The following FAM13A variants were observed in gnomAD, a reference collection of about 807,000 sequenced individuals.
The protein encoded by FAM13A is protein FAM13A.
Under a neutral mutation model 129.6 loss-of-function variants are expected in FAM13A, and 76 were observed. That is an observed-to-expected ratio of 0.59 (90% CI 0.49 to 0.71). The LOEUF (loss-of-function observed/expected upper bound fraction) is 0.71. Among genes scored for constraint, FAM13A ranks in the 30% least tolerant of loss-of-function variants. The probability of loss-of-function intolerance (pLI) is 0.00; values close to 1 mark genes in which losing one functional copy is unlikely to be tolerated. For synonymous variants in FAM13A, 443 were observed against 449.9 expected (o/e 0.98, Z 0.20); for missense variants, 1,108 against 1,249.3 (o/e 0.89, Z 1.70).
Position 88,827,392 on chromosome 4 carries a change from CT to C in FAM13A, c.1008-22341del, listed in dbSNP as rs776564113. ...TGGGGGCTGGATCCTGACTTCACCC[CT>C]GACAGGCAGTGCAAACTTGGGCAGG... is the stretch of plus-strand genomic sequence containing the variant. On this transcript the variant is annotated intron_variant, in intron 7 of 23. Transcript: ENST00000264344. 8.1e-4 allele frequency among the ~76,000 whole-genome samples: 124 copies of C among 152,324 alleles called. No homozygotes were observed. In the Middle Eastern group the frequency reaches 0.01, roughly 13 times the overall value.
At chr4:88,983,864 A>G (rs1009075459) in intron 4 of FAM13A, among the ~76,000 whole-genome samples, 3 of 152,214 alleles carry the variant, frequency 2.0e-5, no homozygotes, top group African/African-American at 7.2e-5. Flanking sequence ...GAAAAGAAGA[A>G]CAAACTTGGA....
intron 3 of FAM13A, among the ~76,000 whole-genome samples, chr4:88,996,007 A>T (rs10856872): frequency 0.5 from 75,277 of 152,038 alleles, 18,664 homozygotes; most frequent in Middle Eastern, 0.58. Flanking sequence ...GGCCCCTCTG[A>T]TACCATGACA....
At chr4:88,923,007 T>G (rs1296550681) in intron 5 of FAM13A, among the ~76,000 whole-genome samples, 1 of 152,040 alleles carries the variant, frequency 6.6e-6, no homozygotes, top group African/African-American at 2.4e-5. Context: ...CAGGAAGAAG[T>G]TGAATCTCTG....
rs1190311813 is a variant in FAM13A at position 88,731,582 on chromosome 4, T to C, written c.2844-154A>G. 3 of 534,228 alleles carry C rather than the reference T, an allele frequency of 5.6e-6. No homozygotes were observed. In the African/African-American group the frequency reaches 5.8e-5, roughly 10 times the overall value. 33.1% of individuals were successfully genotyped at this position (534,228 alleles called of 1,614,324 possible). On this transcript the variant is annotated intron_variant, in intron 22 of 23. Coordinates refer to ENST00000264344, the MANE Select transcript of FAM13A (RefSeq NM_014883.4). ...TGAGGGGGCGCGGAAATGCATGTTT[T>C]CCATTTCCTGAAAGCCAAACATGCT...
chr4:88,835,186 C>T (rs966959465), intron 7 of FAM13A, among the ~76,000 whole-genome samples: 2 of 152,152 alleles, frequency 1.3e-5, no homozygotes, highest in African/African-American at 2.4e-5. Flanking sequence ...AACCACTTTG[C>T]CCCCTATCGT....
At chr4:88,830,760 G>T (rs776460198) in intron 7 of FAM13A, among the ~76,000 whole-genome samples, 2 of 152,150 alleles carry the variant, frequency 1.3e-5, no homozygotes, top group African/African-American at 4.8e-5. Context: ...GTGAAGAGGG[G>T]AGGGAAGAGC....
chr4:88,951,867 G>A (rs1239734235), intron 4 of FAM13A, among the ~76,000 whole-genome samples: 1 of 152,136 alleles, frequency 6.6e-6, no homozygotes, highest in African/African-American at 2.4e-5. Context: ...AGGGCAGGGA[G>A]TCTCTCCAAC....
At chr4:89,025,092 G>T (rs1038406116) in intron 2 of FAM13A, among the ~76,000 whole-genome samples, 10 of 152,030 alleles carry the variant, frequency 6.6e-5, no homozygotes, top group African/African-American at 2.4e-4. Flanking sequence ...ATATGTTGAT[G>T]GTGTGAGTGT....
chr4:89,008,949 A>C (rs1323967245), intron 3 of FAM13A: 1 of 152,084 alleles, frequency 6.6e-6, no homozygotes, highest in Non-Finnish European at 1.5e-5. Context: ...ATAAGCACTA[A>C]CCTTCATTTT....
chr4:89,000,042 A>G (rs1446801537), intron 3 of FAM13A, among the ~76,000 whole-genome samples: 1 of 152,198 alleles, frequency 6.6e-6, no homozygotes, highest in Non-Finnish European at 1.5e-5. Context: ...CCAGCTCACA[A>G]TTAATTCCAT....
At chr4:88,765,688 A>G (rs566329782) in intron 13 of FAM13A, among the ~76,000 whole-genome samples, 5 of 152,372 alleles carry the variant, frequency 3.3e-5, no homozygotes, top group African/African-American at 1.2e-4. Context: ...AAAGAAGCAC[A>G]TACTTTCACA....
intron 17 of FAM13A, 110 bp downstream of exon 17, chr4:88,748,842 A>C: frequency 1.2e-6 from 1 of 810,512 alleles, no homozygotes; most frequent in South Asian, 1.4e-5. Flanking sequence ...GCTGGGAAGC[A>C]TCTTTAAGGA....
intron 6 of FAM13A, among the ~76,000 whole-genome samples, chr4:88,851,882 T>C (rs1417984555): frequency 6.6e-6 from 1 of 152,222 alleles, no homozygotes; most frequent in Non-Finnish European, 1.5e-5. Flanking sequence ...TGTTCTCTTA[T>C]TTTAGATCAG....
rs967494828 is a variant in FAM13A at position 89,034,354 on chromosome 4, C to T, written c.28-4705G>A. On this transcript the variant is annotated intron_variant, in intron 1 of 23. Transcript: ENST00000264344. ...AACATCACTCACCATTAGAGAAACA[C>T]AAATCAAAACCACAATGAGATCTCA... Among the ~76,000 whole-genome samples, 3 of 152,084 alleles carry T rather than the reference C, an allele frequency of 2.0e-5. 1 individual carries two copies. The highest frequency in any genetic ancestry group is 7.2e-5 in the African/African-American group (3 of 41,402).
intron 7 of FAM13A, among the ~76,000 whole-genome samples, chr4:88,840,911 G>A (rs72872139): frequency 2.0e-5 from 3 of 152,056 alleles, no homozygotes; most frequent in Non-Finnish European, 2.9e-5. Flanking sequence ...AGCAAATGGT[G>A]CTGGGACAAC....
chr4:88,823,813 G>A (rs912634656), intron 7 of FAM13A, among the ~76,000 whole-genome samples: 1 of 152,196 alleles, frequency 6.6e-6, no homozygotes, highest in Non-Finnish European at 1.5e-5. Context: ...CCCAGCGCAC[G>A]TAGCTCCACT....
At chr4:89,017,060 C>A (rs766492465) in intron 3 of FAM13A, among the ~76,000 whole-genome samples, 1 of 152,168 alleles carries the variant, frequency 6.6e-6, no homozygotes, top group African/African-American at 2.4e-5. Context: ...ACAGGCTATG[C>A]CATATAGCCT....
At chr4:88,924,389 A>G (rs1293441430) in intron 5 of FAM13A, among the ~76,000 whole-genome samples, 1 of 152,198 alleles carries the variant, frequency 6.6e-6, no homozygotes, top group Non-Finnish European at 1.5e-5. Flanking sequence ...GAGCCCTCAG[A>G]AATAACGCCA....
At chr4:88,823,084 C>T (rs1578826126) in intron 7 of FAM13A, 2 of 1,597,294 alleles carry the variant, frequency 1.3e-6, no homozygotes, top group South Asian at 1.1e-5. Context: ...TGAACGTCTT[C>T]TTACAGTGGC....
Sources: gnomAD v4.1 joint callset for allele counts (sites outside exome capture counted in the v4.1 genomes callset) on GRCh38, gnomAD v4.1.1 for gene constraint, MANE v1.5 for transcripts, NCBI Gene and HGNC (gene_info 2026-07-23, HGNC 2026-07-21) for gene names.